PTPRD: variants seen among roughly 807,000 people sequenced by gnomAD.
The protein encoded by PTPRD is receptor-type tyrosine-protein phosphatase delta.
Under a neutral mutation model 214.5 loss-of-function variants are expected in PTPRD, and 34 were observed. That is an observed-to-expected ratio of 0.16 (90% CI 0.12 to 0.21). The LOEUF (loss-of-function observed/expected upper bound fraction) is 0.21. PTPRD is among the 10% of genes least tolerant of loss of function. PTPRD has a pLI of 1.00. For missense variants in PTPRD, 2,545 were observed against 2,398.7 expected (o/e 1.06, Z -1.27); for synonymous variants, 1,128 against 845.7 (o/e 1.33, Z -5.79).
chr9:9,275,481 G>A (rs1473463362), intron 9 of PTPRD, among the ~76,000 whole-genome samples: 2 of 150,758 alleles, frequency 1.3e-5, no homozygotes, highest in Non-Finnish European at 3.0e-5. Context: ...CTATTTTCCT[G>A]ATCTTACATA....
chr9:8,422,920 G>A (rs1223812903), intron 35 of PTPRD, among the ~76,000 whole-genome samples: 1 of 152,130 alleles, frequency 6.6e-6, no homozygotes, highest in East Asian at 1.9e-4. Flanking sequence ...TAAAAAGGGA[G>A]GCAGCATTTC....
At chr9:9,251,783 G>C (rs969115501) in intron 9 of PTPRD, among the ~76,000 whole-genome samples, 2 of 152,068 alleles carry the variant, frequency 1.3e-5, no homozygotes, top group African/African-American at 4.8e-5. Context: ...TTAAATAAAA[G>C]AATGATTTGA....
rs34557894 is a variant in PTPRD, at chr9:9,981,533, A to ATT, written c.-471-42925_-471-42924dup. ...CCATGCCTGGCTAATTTTTTTTTGT[A>ATT]TTTTTTTTACTAGAGACGGAGTTCC... On this transcript the variant is annotated intron_variant, in intron 4 of 45. Transcript: ENST00000381196. Among the ~76,000 whole-genome samples, 1,350 of 150,468 alleles carry ATT rather than the reference A, an allele frequency of 9.0e-3. 24 individuals carry two copies. The highest frequency in any genetic ancestry group is 0.029 in the African/African-American group (1,188 of 40,850).
chr9:10,536,478 T>C (rs2057823686), intron 2 of PTPRD, among the ~76,000 whole-genome samples: 2 of 152,182 alleles, frequency 1.3e-5, no homozygotes, highest in African/African-American at 4.8e-5. Context: ...ATTTTCATGT[T>C]TATGAGAAAC....
chr9:8,849,508 G>C (rs993832430), intron 11 of PTPRD, among the ~76,000 whole-genome samples: 2 of 152,150 alleles, frequency 1.3e-5, no homozygotes, highest in Admixed American at 6.5e-5. Context: ...TTACAGGCGT[G>C]AGCCACCGCG....
At chr9:9,927,586 G>C (rs978232689) in intron 5 of PTPRD, among the ~76,000 whole-genome samples, 26 of 152,018 alleles carry the variant, frequency 1.7e-4, no homozygotes, top group Non-Finnish European at 3.5e-4. Flanking sequence ...AACACTAATA[G>C]TATAGTTATG....
chr9:9,928,760 A>ACACACACACACACACACACACACACACAC (rs1366299379), intron 5 of PTPRD, among the ~76,000 whole-genome samples: 16 of 148,248 alleles, frequency 1.1e-4, no homozygotes, highest in African/African-American at 3.9e-4. Context: ...CTCTCTATAC[A>ACACACACACACACACACACACACACACAC]CACACACACA....
chr9:8,679,430 CTT>C (rs1369350909), intron 12 of PTPRD, among the ~76,000 whole-genome samples: 1 of 152,182 alleles, frequency 6.6e-6, no homozygotes, highest in African/African-American at 2.4e-5. Flanking sequence ...CTGTGATTAT[CTT>C]TGCTCTCTCA....
chr9:10,437,089 C>T (rs1393683808), intron 2 of PTPRD, among the ~76,000 whole-genome samples: 4 of 151,702 alleles, frequency 2.6e-5, no homozygotes, highest in South Asian at 2.1e-4. Context: ...TACAATTCCC[C>T]GTGTTTCCCT....
chr9:9,303,815 A>G lies in PTPRD; in HGVS notation c.-203+93634T>C, dbSNP rs747040208. Among the ~76,000 whole-genome samples, 20 of 152,274 alleles carry G rather than the reference A, an allele frequency of 1.3e-4. 1 individual carries two copies. The Middle Eastern group carries it at 0.017, about 129-fold the overall frequency. ...GAGAATGCTGTTTACAATAAGGCAA[A>G]CAAACAAACACTGGCAACCACATTG... On this transcript the variant is annotated intron_variant, in intron 9 of 45. Transcript: ENST00000381196.
At chr9:10,016,670 G>GTT (rs137867470) in intron 4 of PTPRD, among the ~76,000 whole-genome samples, 60,418 of 147,736 alleles carry the variant, frequency 0.41, 14,532 homozygotes, top group Middle Eastern at 0.59. Context: ...CCTCCTGTGG[G>GTT]TTGTTTTTTT....
At chr9:9,892,805 T>A (rs1164652757) in intron 5 of PTPRD, among the ~76,000 whole-genome samples, 1 of 151,880 alleles carries the variant, frequency 6.6e-6, no homozygotes. Flanking sequence ...AGTGGTATAA[T>A]ATTTGAATAC....
intron 7 of PTPRD, among the ~76,000 whole-genome samples, chr9:9,618,386 AG>A (rs773361199): frequency 9.2e-5 from 14 of 152,006 alleles, no homozygotes; most frequent in Non-Finnish European, 1.3e-4. Flanking sequence ...CTATGGATTA[AG>A]AAAAAAAAAA....
At chr9:8,817,932 C>G (rs1175397862) in intron 11 of PTPRD, among the ~76,000 whole-genome samples, 1 of 152,138 alleles carries the variant, frequency 6.6e-6, no homozygotes, top group East Asian at 1.9e-4. Context: ...GTTAGTTGCT[C>G]AGGGGTTTTT....
intron 4 of PTPRD, among the ~76,000 whole-genome samples, chr9:10,028,122 A>G (rs1269665649): frequency 1.3e-5 from 2 of 152,120 alleles, no homozygotes; most frequent in Admixed American, 6.5e-5. Flanking sequence ...TATGATTGTG[A>G]TAAGTCTCAC....
At chr9:9,103,223 C>G (rs1202101998) in intron 10 of PTPRD, among the ~76,000 whole-genome samples, 1 of 151,984 alleles carries the variant, frequency 6.6e-6, no homozygotes, top group Non-Finnish European at 1.5e-5. Context: ...TGTCTTACTT[C>G]CAGACACAAT....
chr9:8,557,439 T>C (rs1217122853), intron 14 of PTPRD, among the ~76,000 whole-genome samples: 2 of 135,456 alleles, frequency 1.5e-5, no homozygotes, highest in Admixed American at 6.9e-5. Flanking sequence ...TAAATACATA[T>C]ATATATATAT....
At chr9:9,596,910 G>C (rs1288790081) in intron 7 of PTPRD, among the ~76,000 whole-genome samples, 1 of 151,964 alleles carries the variant, frequency 6.6e-6, no homozygotes, top group Non-Finnish European at 1.5e-5. Flanking sequence ...AAAATTTATT[G>C]TTGGTGAAAC....
chr9:8,481,028 C>T (rs10977150), intron 30 of PTPRD, among the ~76,000 whole-genome samples: 51,809 of 150,714 alleles, frequency 0.34, 9,211 homozygotes, highest in African/African-American at 0.46. Context: ...TAGTCACAGC[C>T]GCTCGAGAGG....
Sources: allele counts gnomAD v4.1 joint callset (sites outside exome capture counted in the v4.1 genomes callset), GRCh38; gene constraint gnomAD v4.1.1; transcripts MANE v1.5; gene names NCBI Gene and HGNC (gene_info 2026-07-23, HGNC 2026-07-21).